ZC3H11A: variants seen among roughly 807,000 people sequenced by gnomAD.
ZC3H11A encodes the protein zinc finger CCCH-type containing 11A.
ZC3H11A carries 22 observed loss-of-function variants against 90.8 expected under a neutral mutation model. The ratio of observed to expected loss-of-function variants is 0.24; its 90% CI spans 0.17 to 0.35. ZC3H11A has a LOEUF of 0.35. Among genes scored for constraint, ZC3H11A ranks in the 10% least tolerant of loss-of-function variants. The pLI is 1.00. For synonymous variants in ZC3H11A, 294 were observed against 339.8 expected, an observed-to-expected ratio of 0.87 and a Z score of 1.48; for missense variants, 701 against 964.9, an observed-to-expected ratio of 0.73 and a Z score of 3.62.
Position 203,850,680 on chromosome 1 carries a change from T to C in ZC3H11A, c.2105T>C (p.Val702Ala), listed in dbSNP as rs140404094. The change falls in exon 16 of 18, where the codon GTG (valine) becomes GCG (alanine). Residue 702 changes from valine to alanine, a missense_variant and splice_region_variant. Physicochemically the swap from Val to Ala is moderately conservative, Grantham distance 64. This residue lies in a region of ZC3H11A where 91 missense variants were observed against 86.8 expected (regional missense o/e 1.05). Transcript: ENST00000367210. ...GAACCCCCAGCCAAAAAGGCAGCTG[T>C]GGTAAGAAGTATATTCACTTTGTGG... ...LQEPPAKKAAVAVVPLVSEDK... is the reference protein window; with the variant it reads ...LQEPPAKKAAAAVVPLVSEDK... 1 of 1,613,560 alleles carries C rather than the reference T, an allele frequency of 6.2e-7. No homozygotes were observed. The highest frequency in any genetic ancestry group is 8.5e-7 in the Non-Finnish European group (1 of 1,179,658).
rs1021550657 is a variant in ZC3H11A at position 203,820,638 on chromosome 1, C to T, written c.174+1949C>T. Among the ~76,000 whole-genome samples, 4 of 151,900 alleles carry T rather than the reference C, an allele frequency of 2.6e-5. 1 individual carries two copies. The highest frequency in any genetic ancestry group is 4.1e-4 in the South Asian group (2 of 4,820). ...GACAACGGGCATGCCTCACCACACC[C>T]GTCTAATTTTTTGTGTTTTTTAGTA... On this transcript the variant is annotated intron_variant, in intron 4 of 17. Coordinates refer to ENST00000367210, the MANE Select transcript of ZC3H11A (RefSeq NM_001376342.1).
intron 12 of ZC3H11A, among the ~76,000 whole-genome samples, chr1:203,840,637 T>A (rs558510130): frequency 8.0e-5 from 10 of 124,610 alleles, no homozygotes; most frequent in Admixed American, 2.9e-4. Context: ...TATTTATTTA[T>A]TTTATTTATT....
Position 203,852,623 on chromosome 1 carries a change from T to C in ZC3H11A, c.*224T>C. 2 of 560,656 alleles carry C rather than the reference T, an allele frequency of 3.6e-6. No homozygotes were observed. The highest frequency in any genetic ancestry group is 3.1e-6 in the Non-Finnish European group (1 of 320,958). The allele number at this position is 560,656 out of a possible 1,614,324, so 34.7% of individuals were successfully genotyped here. A position where few individuals can be genotyped will look rare whatever the true frequency, so the allele number is the denominator to read the frequency against. On this transcript the variant is annotated 3_prime_UTR_variant, in exon 18 of 18. Transcript: ENST00000367210. Reference sequence around the variant, plus strand: ...ATTTGATGCCATTGTTTATCATCTTTTGAGAAAAAAGTTCTGTCATACCCT... The same window carrying C: ...ATTTGATGCCATTGTTTATCATCTTCTGAGAAAAAAGTTCTGTCATACCCT...
intron 17 of ZC3H11A, 34 bp from the exon 18 acceptor site, chr1:203,852,107 C>A (rs761127921): frequency 3.1e-6 from 5 of 1,607,808 alleles, no homozygotes; most frequent in Non-Finnish European, 4.2e-6. Context: ...ATTTTTAAAA[C>A]GGCAGTTTTC....
At chr1:203,797,656 A>G (rs1426545294) in intron 1 of ZC3H11A, 1 of 1,536,056 alleles carries the variant, frequency 6.5e-7, no homozygotes, top group African/African-American at 1.4e-5. Flanking sequence ...GTGGTAGAGG[A>G]AAAGATGGTA....
At chr1:203,806,582 C>T (rs2102534168) in intron 2 of ZC3H11A, among the ~76,000 whole-genome samples, 2 of 152,312 alleles carry the variant, frequency 1.3e-5, no homozygotes, top group South Asian at 2.1e-4. Flanking sequence ...GGATTATAGG[C>T]ATGAGCCACC....
At chr1:203,847,094 T>C (rs1379875329) in intron 12 of ZC3H11A, 90 bp from the exon 13 acceptor site, 3 of 1,374,844 alleles carry the variant, frequency 2.2e-6, no homozygotes, top group Admixed American at 4.3e-5. Context: ...AGCTCTCTGT[T>C]GGACTGTCTT....
chr1:203,808,822 T>C (rs567924712), intron 2 of ZC3H11A, among the ~76,000 whole-genome samples: 221 of 152,198 alleles, frequency 1.5e-3, no homozygotes, highest in African/African-American at 5.1e-3. Flanking sequence ...TTCATTATTA[T>C]CATTATTTTA....
Position 203,829,893 on chromosome 1 carries a change from C to G in ZC3H11A, c.616C>G (p.Gln206Glu), listed in dbSNP as rs566238985. 1 of 1,613,470 alleles carries G rather than the reference C, an allele frequency of 6.2e-7. No homozygotes were observed. The highest frequency in any genetic ancestry group is 2.2e-5 in the East Asian group (1 of 44,884). Reference sequence around the variant, plus strand: ...CCGGAAACCTGCAGTCAATATAAAGCAAGGTAAGAAGAGGCTAGATTGGTG... The same window carrying G: ...CCGGAAACCTGCAGTCAATATAAAGGAAGGTAAGAAGAGGCTAGATTGGTG... ...SVRKPAVNIK[Q>E]GECLNFGIKT... The change falls in exon 7 of 18, where the codon CAA becomes GAA. Residue 206 changes from glutamine to glutamate, a missense_variant. Gln to Glu is a conservative substitution (Grantham distance 29, BLOSUM62 2). Transcript: ENST00000367210.
intron 4 of ZC3H11A, among the ~76,000 whole-genome samples, chr1:203,827,627 A>T (rs969858117): frequency 6.6e-6 from 1 of 151,410 alleles, no homozygotes; most frequent in Non-Finnish European, 1.5e-5. Context: ...GCTTGCAGTG[A>T]GCGGAGATCG....
intron 11 of ZC3H11A, 119 bp from the exon 12 acceptor site, chr1:203,840,187 C>A: frequency 1.1e-6 from 1 of 908,984 alleles, no homozygotes; most frequent in Non-Finnish European, 1.7e-6. Context: ...GATCAGCCTG[C>A]CTTGGCCTCC....
chr1:203,796,079 A>G (rs1330597027), intron 1 of ZC3H11A: 6 of 123,326 alleles, frequency 4.9e-5, no homozygotes, highest in East Asian at 2.3e-4. Context: ...TTCCCAGCCA[A>G]CCTTCCTCCC....
At chr1:203,809,606 G>A (rs889473374) in intron 2 of ZC3H11A, among the ~76,000 whole-genome samples, 2 of 152,096 alleles carry the variant, frequency 1.3e-5, no homozygotes, top group Non-Finnish European at 2.9e-5. Context: ...GGTTGAGAAA[G>A]GTCCCATTAT....
intron 12 of ZC3H11A, among the ~76,000 whole-genome samples, chr1:203,844,902 A>G (rs1161519524): frequency 6.6e-6 from 1 of 151,942 alleles, no homozygotes; most frequent in South Asian, 2.1e-4. Flanking sequence ...TCCAGCCCCA[A>G]CATCTTCATA....
At chr1:203,804,358 TAGAC>T (rs1358442703) in intron 2 of ZC3H11A, among the ~76,000 whole-genome samples, 2 of 152,060 alleles carry the variant, frequency 1.3e-5, no homozygotes, top group African/African-American at 4.8e-5. Context: ...TTCACCGTGT[TAGAC>T]AGGATGGTCT....
At chr1:203,816,350 C>T (rs1240577606) in intron 2 of ZC3H11A, among the ~76,000 whole-genome samples, 7 of 152,022 alleles carry the variant, frequency 4.6e-5, no homozygotes, top group African/African-American at 1.5e-4. Flanking sequence ...TCAGGCTGGG[C>T]GGGATGGCTC....
intron 9 of ZC3H11A, among the ~76,000 whole-genome samples, chr1:203,832,604 G>A (rs528120914): frequency 2.8e-4 from 42 of 152,216 alleles, no homozygotes; most frequent in Non-Finnish European, 5.3e-4. Context: ...CAAATCATCT[G>A]CCTGCCTCAG....
chr1:203,847,236 T>G lies in ZC3H11A; in HGVS notation c.1095T>G (p.Leu365=). Residue 365 remains leucine (L), a synonymous_variant, in exon 13 of 18, where the codon CTT becomes CTG. Transcript: ENST00000367210. ...EIHVKTLEEI[L]LERASQKRGE... ...ATGTGAAGACATTAGAAGAAATTCTTCTTGAAAGAGCCAGTCAGAAACGTG... is the reference window on the plus strand; with the variant it reads ...ATGTGAAGACATTAGAAGAAATTCTGCTTGAAAGAGCCAGTCAGAAACGTG... The G allele has an allele frequency of 6.2e-7, 1 of 1,613,800 alleles. No homozygotes were observed.
Position 203,829,564 on chromosome 1 carries a change from G to A in ZC3H11A, c.412G>A (p.Val138Ile), listed in dbSNP as rs142418357. 8.7e-6 allele frequency: 14 copies of A among 1,614,028 alleles called. No individual in the cohort carries two copies. Among genetic ancestry groups the A allele is most frequent in the East Asian group, 6.7e-5 (3 of 44,886 alleles). The change falls in exon 6 of 18, where the codon GTT (valine) becomes ATT (isoleucine). Residue 138 changes from valine (V) to isoleucine (I), a missense_variant. Transcript: ENST00000367210. The stretch of plus-strand genomic sequence containing the variant: ...CAATCCTTCCCCTCAGCTGCGGAGC[G>A]TTATGAAAGTAGAAAGTTCCGAAAA... ...QSNPSPQLRS[V>I]MKVESSENVP...
Sources: allele counts gnomAD v4.1 joint callset (sites outside exome capture counted in the v4.1 genomes callset), GRCh38; gene constraint gnomAD v4.1.1; regional missense constraint gnomAD v4.1.1; transcripts MANE v1.5; gene names NCBI Gene and HGNC (gene_info 2026-07-23, HGNC 2026-07-21).